STK32A: variants seen among roughly 807,000 people sequenced by gnomAD.
STK32A encodes serine/threonine kinase 32A.
Under a neutral mutation model 53.2 loss-of-function variants are expected in STK32A, and 41 were observed. The ratio of observed to expected loss-of-function variants is 0.77; its 90% CI spans 0.60 to 1.00. The LOEUF is 1.00. STK32A is among the 50% of genes least tolerant of loss of function. The pLI is 0.00. For missense variants in STK32A, 458 were observed against 485.8 expected (o/e 0.94, Z 0.54); for synonymous variants, 166 against 162.8 (o/e 1.02, Z -0.15).
intron 4 of STK32A, among the ~76,000 whole-genome samples, chr5:147,284,156 A>G (rs1752203895): frequency 6.6e-6 from 1 of 152,158 alleles, no homozygotes; most frequent in Non-Finnish European, 1.5e-5. Context: ...ACATAAACAG[A>G]ATTTTTAAAA....
chr5:147,303,493 C>A (rs1054957629), intron 4 of STK32A, among the ~76,000 whole-genome samples: 2 of 152,146 alleles, frequency 1.3e-5, no homozygotes, highest in African/African-American at 4.8e-5. Context: ...CATTTTCTAT[C>A]CTATTGGCTA....
intron 5 of STK32A, among the ~76,000 whole-genome samples, chr5:147,340,881 A>C (rs1327989998): frequency 6.6e-6 from 1 of 152,206 alleles, no homozygotes; most frequent in Admixed American, 6.5e-5. Context: ...TTACCAGAGT[A>C]GGTAAATATC....
chr5:147,253,091 A>G (rs1754068832), intron 2 of STK32A, among the ~76,000 whole-genome samples: 1 of 152,248 alleles, frequency 6.6e-6, no homozygotes, highest in South Asian at 2.1e-4. Context: ...CAATTCTAAA[A>G]CATAAATATA....
downstream of STK32A, among the ~76,000 whole-genome samples, chr5:147,388,926 G>A (rs1475112844): frequency 3.3e-5 from 5 of 152,242 alleles, no homozygotes; most frequent in South Asian, 2.1e-4. Flanking sequence ...CTGCTGCCTC[G>A]GTCATGAGCA....
At chr5:147,238,275 G>A (rs1025281792) in intron 1 of STK32A, among the ~76,000 whole-genome samples, 1 of 152,218 alleles carries the variant, frequency 6.6e-6, no homozygotes, top group African/African-American at 2.4e-5. Flanking sequence ...TTTGGATGGA[G>A]CCATTGCCAC....
At chr5:147,273,011 T>C (rs539858755) in intron 2 of STK32A, among the ~76,000 whole-genome samples, 2 of 152,224 alleles carry the variant, frequency 1.3e-5, no homozygotes, top group African/African-American at 4.8e-5. Context: ...ATAAAATCTT[T>C]TGCAAAGATT....
At chr5:147,261,051 C>G (rs1754543895) in intron 2 of STK32A, among the ~76,000 whole-genome samples, 1 of 152,138 alleles carries the variant, frequency 6.6e-6, no homozygotes, top group South Asian at 2.1e-4. Context: ...TCCCGCCTTG[C>G]TGAGAGCTTG....
chr5:147,351,277 CT>C (rs1755964872), intron 7 of STK32A, 123 bp downstream of exon 7: 2 of 772,174 alleles, frequency 2.6e-6, no homozygotes, highest in Non-Finnish European at 4.2e-6. Flanking sequence ...ACCTGTGGAG[CT>C]TCTGATTTCA....
chr5:147,278,465 A>G (rs1027007793), intron 3 of STK32A, among the ~76,000 whole-genome samples: 16 of 152,198 alleles, frequency 1.1e-4, no homozygotes, highest in African/African-American at 3.6e-4. Flanking sequence ...AAAGGAGATG[A>G]AGATTTCAGA....
At chr5:147,255,686 A>G (rs1754201650) in intron 2 of STK32A, among the ~76,000 whole-genome samples, 1 of 152,184 alleles carries the variant, frequency 6.6e-6, no homozygotes, top group African/African-American at 2.4e-5. Flanking sequence ...TATCATGTCT[A>G]AGGCTATTTT....
intron 4 of STK32A, among the ~76,000 whole-genome samples, chr5:147,309,282 T>A (rs1753573813): frequency 6.6e-6 from 1 of 152,168 alleles, no homozygotes; most frequent in Non-Finnish European, 1.5e-5. Context: ...ATAGTTCTTA[T>A]GCCATTGCCT....
chr5:147,343,102 T>C, intron 6 of STK32A, 59 bp downstream of exon 6: 1 of 1,569,408 alleles, frequency 6.4e-7, no homozygotes, highest in Non-Finnish European at 8.8e-7. Flanking sequence ...AAGTTGATTG[T>C]TCCCAGCAGA....
chr5:147,300,231 C>T (rs1753064348), intron 4 of STK32A, among the ~76,000 whole-genome samples: 1 of 152,092 alleles, frequency 6.6e-6, no homozygotes, highest in African/African-American at 2.4e-5. Context: ...CATTCTATTC[C>T]TGAAGAAACT....
In STK32A at chr5:147,384,122, G is replaced by A. The variant is rs918959109; in HGVS notation, c.*139G>A. On this transcript the variant is annotated 3_prime_UTR_variant, in exon 13 of 13. Coordinates refer to ENST00000397936, the MANE Select transcript of STK32A (RefSeq NM_001112724.2). ...GAATGAATATATTTCAAAAAAGGCA[G>A]CACAACACAGTGAAGGGTCCTGGGC... The A allele has an allele frequency of 2.6e-5, 39 of 1,486,156 alleles. No homozygotes were observed. In the African/African-American group the frequency reaches 5.4e-4, roughly 20 times the overall value. 92.1% of individuals were successfully genotyped at this position (1,486,156 alleles called of 1,614,324 possible).
chr5:147,396,763 AGGCCCAAACTGGAGTGTG>A, the STK32A span, among the ~76,000 whole-genome samples: 1 of 152,010 alleles, frequency 6.6e-6, no homozygotes, highest in South Asian at 2.1e-4. Context: ...CTTCTCTATT[AGGCCCAAACTGGAGTGTG>A]GAGCTCAAAT....
chr5:147,283,956 A>G (rs976299606), intron 4 of STK32A, among the ~76,000 whole-genome samples: 1 of 152,096 alleles, frequency 6.6e-6, no homozygotes, highest in Non-Finnish European at 1.5e-5. Flanking sequence ...AAAACCATGA[A>G]AGAACATAAC....
chr5:147,252,842 G>A (rs1754056930), intron 2 of STK32A, among the ~76,000 whole-genome samples: 1 of 152,100 alleles, frequency 6.6e-6, no homozygotes, highest in Admixed American at 6.5e-5. Context: ...TCACTAGAAA[G>A]TGAACTCCAT....
intron 4 of STK32A, among the ~76,000 whole-genome samples, chr5:147,314,788 A>T (rs958351376): frequency 2.8e-5 from 4 of 144,342 alleles, no homozygotes; most frequent in African/African-American, 1.0e-4. Flanking sequence ...TCCAGGCTGG[A>T]GTGCAGTGTG....
At chr5:147,319,634 C>T (rs775647091) in intron 4 of STK32A, among the ~76,000 whole-genome samples, 15 of 152,152 alleles carry the variant, frequency 9.9e-5, no homozygotes, top group Non-Finnish European at 1.6e-4. Flanking sequence ...TGGGTCATTG[C>T]TCCAAAGAAA....
Sources: gnomAD v4.1 joint callset for allele counts (sites outside exome capture counted in the v4.1 genomes callset) on GRCh38, gnomAD v4.1.1 for gene constraint, MANE v1.5 for transcripts, NCBI Gene and HGNC (gene_info 2026-07-23, HGNC 2026-07-21) for gene names.